HDX: variants seen among roughly 807,000 people sequenced by gnomAD.
HDX encodes highly divergent homeobox, also known as chromosome X open reading frame 43.
A neutral mutation model predicts 45.2 loss-of-function variants in HDX; 19 were observed. The ratio of observed to expected loss-of-function variants is 0.42; its 90% confidence interval spans 0.29 to 0.62. HDX has a LOEUF of 0.62. Among genes scored for constraint, HDX ranks in the 20% least tolerant of loss-of-function variants. The pLI, the probability that HDX is intolerant of heterozygous loss-of-function variation, is 0.20. For missense variants in HDX, 532 were observed against 493.9 expected, an observed-to-expected ratio of 1.08 and a Z score of -0.73; for synonymous variants, 188 against 172.8, an observed-to-expected ratio of 1.09 and a Z score of -0.69.
intron 9 of HDX, among the ~76,000 whole-genome samples, chrX:84,330,209 A>C (rs1039176942): frequency 8.1e-5 from 9 of 111,349 alleles, no homozygotes; most frequent in South Asian, 3.7e-4. Flanking sequence ...AAAAAGTAAA[A>C]ATTATTCTAA....
intron 5 of HDX, among the ~76,000 whole-genome samples, chrX:84,401,899 A>G (rs2147958376): frequency 8.9e-6 from 1 of 112,118 alleles, no homozygotes; most frequent in African/African-American, 3.2e-5. Flanking sequence ...TTGCAGAAAC[A>G]TGGATGAAGC....
chrX:84,371,679 G>T (rs1034094132), intron 5 of HDX, among the ~76,000 whole-genome samples: 1 of 111,931 alleles, frequency 8.9e-6, no homozygotes, highest in Non-Finnish European at 1.9e-5. Flanking sequence ...ATGTGGAAAA[G>T]GTCTGATTTC....
chrX:84,361,433 A>G (rs1377596411), intron 6 of HDX, 33 bp downstream of exon 6: 1 of 1,178,771 alleles, frequency 8.5e-7, no homozygotes, highest in South Asian at 1.8e-5. Flanking sequence ...CCATTCAGCA[A>G]CTATAGCATG....
In HDX at chrX:84,349,429, G is replaced by C. The variant is rs1034398826; in HGVS notation, c.1453-4972C>G. 1.6e-3 allele frequency among the ~76,000 whole-genome samples: 160 copies of C among 97,542 alleles called. 2 individuals are homozygous for C. The highest frequency in any genetic ancestry group is 2.7e-3 in the Non-Finnish European group (132 of 48,623). 84.7% of individuals were successfully genotyped at this position (97,542 alleles called of 115,157 possible). On this transcript the variant is annotated intron_variant, in intron 6 of 10. Transcript: ENST00000373177. ...TGTGTGTGTGTGTGTGTGTGTGTGTGTGTGTGTGTGTGTGTGTGTGTATGG... is the reference window on the plus strand; with the variant it reads ...TGTGTGTGTGTGTGTGTGTGTGTGTCTGTGTGTGTGTGTGTGTGTGTATGG...
chrX:84,470,179 T>C (rs1344566604), intron 3 of HDX, among the ~76,000 whole-genome samples: 1 of 111,463 alleles, frequency 9.0e-6, no homozygotes, highest in Non-Finnish European at 1.9e-5. Flanking sequence ...ATATACCTCA[T>C]CGTAGATGCA....
intron 5 of HDX, among the ~76,000 whole-genome samples, chrX:84,401,206 A>G (rs916936065): frequency 2.7e-5 from 3 of 112,226 alleles, no homozygotes; most frequent in African/African-American, 9.7e-5. Flanking sequence ...GACAAATGAG[A>G]TCTAATTAAA....
At position 84,361,562 on chromosome X, in the gene HDX, C is replaced by T. The variant is rs1342598952; in HGVS notation, c.1356G>A (p.Lys452=). The change falls in exon 6 of 11, where the codon AAG becomes AAA. Residue 452 remains lysine, a synonymous_variant. Coordinates refer to ENST00000373177, the MANE Select transcript of HDX (RefSeq NM_001177479.2). ...FSDRDLATLK[K]YWDNGMTSLG... ...GGCTGGTCATGCCATTGTCCCAATA[C>T]TTCTTAAGGGTGGCTAAGTCTCGGT... is the stretch of plus-strand genomic sequence containing the variant. The T allele has an allele frequency of 5.0e-6, 6 of 1,204,553 alleles. No homozygotes were observed. Among genetic ancestry groups the T allele is most frequent in the Non-Finnish European group, 6.7e-6 (6 of 890,047 alleles).
At chrX:84,370,911 G>A (rs2037876442) in intron 5 of HDX, among the ~76,000 whole-genome samples, 1 of 112,203 alleles carries the variant, frequency 8.9e-6, no homozygotes, top group Admixed American at 9.5e-5. Flanking sequence ...CTAGCAGGAA[G>A]TATCTTTAAT....
chrX:84,351,096 G>A (rs1405715099), intron 6 of HDX, among the ~76,000 whole-genome samples: 2 of 109,861 alleles, frequency 1.8e-5, no homozygotes, highest in Non-Finnish European at 3.8e-5. Context: ...GTAAATTCCA[G>A]GTTGTCCACT....
chrX:84,461,427 C>T (rs1319458223), intron 4 of HDX, among the ~76,000 whole-genome samples: 1 of 110,802 alleles, frequency 9.0e-6, no homozygotes, highest in Non-Finnish European at 1.9e-5. Context: ...AGGAAAAGGA[C>T]AGCCTTTTCA....
intron 10 of HDX, among the ~76,000 whole-genome samples, chrX:84,324,425 G>A (rs187446041): frequency 0.018 from 2,034 of 110,994 alleles, 52 homozygotes; most frequent in East Asian, 0.14. Context: ...ACTACTATTC[G>A]TGTCTTCTAT....
chrX:84,377,356 A>G (rs141194848), intron 5 of HDX, among the ~76,000 whole-genome samples: 243 of 111,853 alleles, frequency 2.2e-3, no homozygotes, highest in African/African-American at 7.3e-3. Context: ...AATATGTACT[A>G]GCATGAACAC....
At chrX:84,401,600 T>C (rs923785790) in intron 5 of HDX, among the ~76,000 whole-genome samples, 6 of 111,693 alleles carry the variant, frequency 5.4e-5, no homozygotes, top group Non-Finnish European at 9.4e-5. Context: ...GATTTTACAC[T>C]GTTGGTGGGT....
In HDX at chrX:84,367,229, G is replaced by A. The variant is rs189010836; in HGVS notation, c.1306-5617C>T. Reference sequence around the variant, plus strand: ...CTTCTCAAAGAAAGACATTTATGAGGCCAACAAACATATTTAAAAAAAGCT... The same window carrying A: ...CTTCTCAAAGAAAGACATTTATGAGACCAACAAACATATTTAAAAAAAGCT... On this transcript the variant is annotated intron_variant, in intron 5 of 10. Transcript: ENST00000373177. 1.7e-3 allele frequency among the ~76,000 whole-genome samples: 196 copies of A among 112,158 alleles called. 2 individuals are homozygous for A. The highest frequency in any genetic ancestry group is 6.1e-3 in the African/African-American group (188 of 30,907).
chrX:84,488,665 A>G (rs1187219334), intron 1 of HDX, among the ~76,000 whole-genome samples: 1 of 111,345 alleles, frequency 9.0e-6, no homozygotes, highest in Non-Finnish European at 1.9e-5. Context: ...CTGGAAAGCT[A>G]AAGTGTATAC....
At position 84,469,536 on chromosome X, in the gene HDX, T is replaced by C; in HGVS notation, c.187A>G (p.Asn63Asp). The C allele has an allele frequency of 4.2e-6, 5 of 1,199,180 alleles. No individual in the cohort carries two copies. Among genetic ancestry groups the C allele is most frequent in the East Asian group, 3.0e-5 (1 of 33,680 alleles). Residue 63 changes from asparagine (N) to aspartate (D), a missense_variant, in exon 4 of 11, where the codon AAC (asparagine) becomes GAC (aspartate). Transcript: ENST00000373177. ...GNKRRKMSSK[N>D]SESGTATTGT... ...GTTGTTGCTGTTCCAGATTCAGAGT[T>C]CTTACTACTCATCTTTCTTCTCTTA...
intron 4 of HDX, among the ~76,000 whole-genome samples, chrX:84,466,991 T>C (rs138628840): frequency 0.013 from 1,482 of 111,240 alleles, 36 homozygotes; most frequent in African/African-American, 0.047. Flanking sequence ...AGAACAACAC[T>C]GAAGGGGTAA....
intron 4 of HDX, among the ~76,000 whole-genome samples, chrX:84,449,186 T>C (rs762910379): frequency 1.8e-5 from 2 of 110,460 alleles, no homozygotes; most frequent in Non-Finnish European, 3.8e-5. Flanking sequence ...TCCAAATATT[T>C]AATTTTATTG....
chrX:84,443,446 T>C (rs781724613), intron 4 of HDX, among the ~76,000 whole-genome samples: 1 of 111,658 alleles, frequency 9.0e-6, no homozygotes, highest in East Asian at 2.8e-4. Context: ...ATTTAACAAA[T>C]ATATTAGAAC....
Sources: allele counts gnomAD v4.1 joint callset (sites outside exome capture counted in the v4.1 genomes callset), GRCh38; gene constraint gnomAD v4.1.1; transcripts MANE v1.5; gene names NCBI Gene and HGNC (gene_info 2026-07-23, HGNC 2026-07-21).